The following EPHA6 variants were observed in gnomAD, a reference collection of about 807,000 sequenced individuals.
EPHA6 encodes the protein ephrin type-A receptor 6.
In EPHA6, 50 loss-of-function variants were observed where a neutral mutation model predicts 112.0. The ratio of observed to expected loss-of-function variants is 0.45; its 90% CI spans 0.36 to 0.56. EPHA6 has a LOEUF of 0.56. EPHA6 is among the 20% of genes least tolerant of loss of function. EPHA6 has a pLI of 0.00. For synonymous variants in EPHA6, 529 were observed against 490.7 expected (o/e 1.08, Z -1.03); for missense variants, 1,280 against 1,417.4 (o/e 0.90, Z 1.56).
intron 3 of EPHA6, among the ~76,000 whole-genome samples, chr3:97,185,529 A>AG (rs1316053972): frequency 1.3e-5 from 2 of 150,828 alleles, no homozygotes; most frequent in Admixed American, 6.6e-5. Context: ...CCATCTCACA[A>AG]TTAGAATGGT....
At chr3:97,196,214 G>T (rs538314611) in intron 3 of EPHA6, among the ~76,000 whole-genome samples, 10 of 150,602 alleles carry the variant, frequency 6.6e-5, no homozygotes, top group African/African-American at 2.2e-4. Flanking sequence ...CAAATAGTCT[G>T]CCTTCAAGCT....
chr3:97,009,987 T>G (rs971596947), intron 3 of EPHA6: 2 of 768,060 alleles, frequency 2.6e-6, no homozygotes, highest in Admixed American at 2.5e-5. Flanking sequence ...TTATCATTGT[T>G]TTTTTTTTTT....
intron 5 of EPHA6, among the ~76,000 whole-genome samples, chr3:97,255,711 T>C (rs987887671): frequency 6.6e-6 from 1 of 152,178 alleles, no homozygotes; most frequent in African/African-American, 2.4e-5. Context: ...GATTTTTTGC[T>C]TATGTCAAAT....
At chr3:97,015,418 A>G (rs73848519) in intron 3 of EPHA6, among the ~76,000 whole-genome samples, 1 of 152,268 alleles carries the variant, frequency 6.6e-6, no homozygotes, top group African/African-American at 2.4e-5. Context: ...TTTGGGTTAT[A>G]GCCAGTTTCA....
chr3:97,092,100 A>T (rs200597699), intron 3 of EPHA6, among the ~76,000 whole-genome samples: 33,339 of 149,238 alleles, frequency 0.22, 6,247 homozygotes, highest in African/African-American at 0.51. Context: ...TTTTTTTTAA[A>T]AAAAAAAAGC....
At chr3:96,963,184 G>A (rs1475379163) in intron 2 of EPHA6, among the ~76,000 whole-genome samples, 3 of 151,146 alleles carry the variant, frequency 2.0e-5, no homozygotes, top group South Asian at 4.2e-4. Flanking sequence ...AAAAAGAGGG[G>A]CACTAAAGAG....
intron 3 of EPHA6, among the ~76,000 whole-genome samples, chr3:97,007,455 T>C (rs1004293517): frequency 6.6e-6 from 1 of 151,430 alleles, no homozygotes; most frequent in African/African-American, 2.4e-5. Context: ...TTCCATTTGC[T>C]TGGTAAATTT....
At chr3:96,912,344 A>G (rs1460716491) in intron 2 of EPHA6, among the ~76,000 whole-genome samples, 2 of 152,172 alleles carry the variant, frequency 1.3e-5, no homozygotes, top group Non-Finnish European at 2.9e-5. Context: ...TTGCCAATCA[A>G]TAGTGAAACA....
At chr3:97,292,475 C>T (rs1031208592) in intron 5 of EPHA6, among the ~76,000 whole-genome samples, 4 of 152,244 alleles carry the variant, frequency 2.6e-5, no homozygotes, top group African/African-American at 9.6e-5. Flanking sequence ...CATTAAGTAA[C>T]AGAACAGCTC....
intron 3 of EPHA6, among the ~76,000 whole-genome samples, chr3:97,033,773 G>A (rs931180033): frequency 6.6e-6 from 1 of 151,894 alleles, no homozygotes; most frequent in Admixed American, 6.6e-5. Context: ...CCATGTATTT[G>A]ATAAGAGCCC....
intron 14 of EPHA6, chr3:97,646,223 G>C (rs1404979511): frequency 6.5e-7 from 1 of 1,535,580 alleles, no homozygotes; most frequent in Non-Finnish European, 8.7e-7. Context: ...GTACTGGACT[G>C]GTCCTCATGT....
rs564784237 is a variant in EPHA6 at position 97,744,815 on chromosome 3, G to A, written c.3129-2608G>A. On this transcript the variant is annotated intron_variant, in intron 16 of 17. Transcript: ENST00000389672. ...CAGGAGAAAGAAGTAGAAGTCATCT[G>A]ACTATGTCGGTGCATCGAGAATGGC... 7.2e-5 allele frequency among the ~76,000 whole-genome samples: 11 copies of A among 152,052 alleles called. No individual in the cohort carries two copies. The South Asian group carries it at 2.3e-3, about 32-fold the overall frequency.
chr3:97,667,484 G>A (rs952373132), intron 14 of EPHA6, among the ~76,000 whole-genome samples: 3 of 152,068 alleles, frequency 2.0e-5, no homozygotes, highest in Non-Finnish European at 4.4e-5. Flanking sequence ...AGCATGGAAG[G>A]GTGTTTGGTT....
At chr3:97,545,101 T>C (rs1019743807) in intron 11 of EPHA6, among the ~76,000 whole-genome samples, 4 of 152,200 alleles carry the variant, frequency 2.6e-5, no homozygotes, top group Non-Finnish European at 5.9e-5. Context: ...TCTTGCCTTC[T>C]GCTAGCTTTT....
chr3:97,177,306 C>G (rs2076862977), intron 3 of EPHA6, among the ~76,000 whole-genome samples: 1 of 152,020 alleles, frequency 6.6e-6, no homozygotes, highest in South Asian at 2.1e-4. Flanking sequence ...TATGGCCTAT[C>G]CTTGAGAATG....
chr3:97,440,064 A>G (rs1392583422), intron 6 of EPHA6, among the ~76,000 whole-genome samples: 3 of 152,080 alleles, frequency 2.0e-5, no homozygotes, highest in Admixed American at 1.3e-4. Flanking sequence ...TGTAAACTAC[A>G]TTTTTCAGGA....
intron 3 of EPHA6, among the ~76,000 whole-genome samples, chr3:97,036,669 A>G (rs955281629): frequency 1.3e-5 from 2 of 152,018 alleles, no homozygotes; most frequent in Non-Finnish European, 2.9e-5. Context: ...TCTAGGCAGT[A>G]CCCTTTGCTG....
At chr3:97,107,510 A>G (rs571366015) in intron 3 of EPHA6, among the ~76,000 whole-genome samples, 2 of 152,290 alleles carry the variant, frequency 1.3e-5, no homozygotes, top group African/African-American at 2.4e-5. Context: ...AAAGTCTTTC[A>G]TAAGCTAAGC....
intron 2 of EPHA6, among the ~76,000 whole-genome samples, chr3:96,973,546 G>T (rs1337144039): frequency 1.3e-5 from 2 of 151,890 alleles, no homozygotes; most frequent in East Asian, 3.9e-4. Context: ...ATATTGCTGG[G>T]CACAGTGGCT....
Sources: gnomAD v4.1 joint callset for allele counts (sites outside exome capture counted in the v4.1 genomes callset) on GRCh38, gnomAD v4.1.1 for gene constraint, MANE v1.5 for transcripts, NCBI Gene and HGNC (gene_info 2026-07-23, HGNC 2026-07-21) for gene names.